DNAJC11: variants seen among roughly 807,000 people sequenced by gnomAD.
DNAJC11 encodes the protein dnaJ homolog subfamily C member 11.
In DNAJC11, 15 loss-of-function variants were observed where a neutral mutation model predicts 78.6. The observed-to-expected ratio is 0.19, with a 90% confidence interval of 0.13 to 0.29. The LOEUF is 0.29. Ranked by LOEUF, DNAJC11 falls within the 10% of genes least tolerant of loss-of-function variation. DNAJC11 has a pLI of 1.00. For missense variants in DNAJC11, 547 were observed against 709.6 expected (o/e 0.77, Z 2.60); for synonymous variants, 292 against 272.1 (o/e 1.07, Z -0.72).
At chr1:6,641,386 A>AT (rs1328743093) in intron 10 of DNAJC11, among the ~76,000 whole-genome samples, 1 of 139,648 alleles carries the variant, frequency 7.2e-6, no homozygotes, top group African/African-American at 2.7e-5. Context: ...CCAAAAAAAA[A>AT]AAAAATATAT....
intron 1 of DNAJC11, among the ~76,000 whole-genome samples, chr1:6,686,033 T>C (rs1019564179): frequency 4.6e-5 from 7 of 152,232 alleles, no homozygotes; most frequent in African/African-American, 1.7e-4. Flanking sequence ...TCCAATACAG[T>C]CATTTTAAAT....
chr1:6,643,544 G>T (rs963576124), intron 10 of DNAJC11, among the ~76,000 whole-genome samples: 1 of 152,092 alleles, frequency 6.6e-6, no homozygotes. Flanking sequence ...CAAAGTGCTG[G>T]GATTACAGGT....
chr1:6,668,303 A>AT lies in DNAJC11; in HGVS notation c.277-494dup, dbSNP rs893321622. ...AGGCGCCCGCCACCACCCCTGGCTA[A>AT]TTTTTTTTTGTATTTTTAGTAGAGA... On this transcript the variant is annotated intron_variant, in intron 3 of 15. Transcript: ENST00000377577. The AT allele has an allele frequency of 3.2e-3, 493 of 152,318 alleles. 4 individuals are homozygous for AT. Among genetic ancestry groups the AT allele is most frequent in the African/African-American group, 0.011 (462 of 41,280 alleles). The allele number at this position is 152,318 out of a possible 1,614,324, so 9.4% of individuals were successfully genotyped here. A position where few individuals can be genotyped will look rare whatever the true frequency, so the allele number is the denominator to read the frequency against.
At chr1:6,672,861 G>A (rs1642401496) in intron 3 of DNAJC11, among the ~76,000 whole-genome samples, 1 of 152,170 alleles carries the variant, frequency 6.6e-6, no homozygotes, top group Non-Finnish European at 1.5e-5. Flanking sequence ...CATGGACAGA[G>A]TGTATCACAT....
chr1:6,661,058 G>A (rs1304132708), intron 4 of DNAJC11, among the ~76,000 whole-genome samples: 1 of 152,198 alleles, frequency 6.6e-6, no homozygotes, highest in Non-Finnish European at 1.5e-5. Flanking sequence ...CACGTGCCAG[G>A]TGTACAGTGT....
intron 1 of DNAJC11, among the ~76,000 whole-genome samples, chr1:6,685,226 A>G (rs1642635364): frequency 6.6e-6 from 1 of 152,236 alleles, no homozygotes; most frequent in African/African-American, 2.4e-5. Flanking sequence ...TGGTTAGGCT[A>G]GGCTAGATCA....
At chr1:6,643,327 G>C (rs896951714) in intron 10 of DNAJC11, among the ~76,000 whole-genome samples, 10 of 150,318 alleles carry the variant, frequency 6.7e-5, no homozygotes, top group African/African-American at 9.8e-5. Flanking sequence ...CCAGGCTGGA[G>C]TGCAGTGGCG....
chr1:6,658,239 C>T (rs903449118), intron 4 of DNAJC11, among the ~76,000 whole-genome samples: 3 of 152,104 alleles, frequency 2.0e-5, no homozygotes, highest in African/African-American at 4.8e-5. Flanking sequence ...CTGGGAGGAA[C>T]GTTTCAGCTC....
chr1:6,660,004 C>T (rs1322619219), intron 4 of DNAJC11, among the ~76,000 whole-genome samples: 1 of 149,728 alleles, frequency 6.7e-6, no homozygotes, highest in Non-Finnish European at 1.5e-5. Flanking sequence ...TGCAGTGAGC[C>T]GAGATTGCGC....
chr1:6,661,624 G>A (rs1486464290), intron 4 of DNAJC11, among the ~76,000 whole-genome samples: 1 of 152,088 alleles, frequency 6.6e-6, no homozygotes, highest in Non-Finnish European at 1.5e-5. Context: ...AACTTCTCAC[G>A]TTCTCCAATT....
chr1:6,674,468 G>A lies in DNAJC11; in HGVS notation c.276+3926C>T, dbSNP rs560516224. 3.3e-5 allele frequency among the ~76,000 whole-genome samples: 5 copies of A among 152,238 alleles called. No homozygotes were observed. In the East Asian group the frequency reaches 9.6e-4, roughly 29 times the overall value. On this transcript the variant is annotated intron_variant, in intron 3 of 15. Coordinates refer to ENST00000377577, the MANE Select transcript of DNAJC11 (RefSeq NM_018198.4). ...TCCAGCTACTCGGGAGGCTGAGGCAGGAGAATCACTTGAACCCCGGAAGCA... is the reference window on the plus strand; with the variant it reads ...TCCAGCTACTCGGGAGGCTGAGGCAAGAGAATCACTTGAACCCCGGAAGCA...
chr1:6,684,274 A>T (rs960572902), intron 1 of DNAJC11, among the ~76,000 whole-genome samples: 1 of 152,044 alleles, frequency 6.6e-6, no homozygotes, highest in Non-Finnish European at 1.5e-5. Context: ...TAGAGATGGG[A>T]TTTCATCGTG....
chr1:6,673,195 C>CA (rs70981399), intron 3 of DNAJC11, among the ~76,000 whole-genome samples: 14,387 of 38,832 alleles, frequency 0.37, 2,817 homozygotes, highest in Admixed American at 0.45. Context: ...AACTCCATCT[C>CA]AAAAAAAAAA....
chr1:6,641,442 C>T (rs547686147), intron 10 of DNAJC11, among the ~76,000 whole-genome samples: 1 of 143,006 alleles, frequency 7.0e-6, no homozygotes, highest in Non-Finnish European at 1.5e-5. Flanking sequence ...CAAACAGAGA[C>T]AGGTTAAATG....
chr1:6,643,257 G>A (rs1320424664), intron 10 of DNAJC11, among the ~76,000 whole-genome samples: 1 of 150,672 alleles, frequency 6.6e-6, no homozygotes, highest in Non-Finnish European at 1.5e-5. Context: ...GAAAGAAGAC[G>A]GATGCAAGCG....
chr1:6,676,684 CA>C (rs1239491465), intron 3 of DNAJC11, among the ~76,000 whole-genome samples: 3 of 151,778 alleles, frequency 2.0e-5, no homozygotes, highest in African/African-American at 7.2e-5. Context: ...CACTCTCTCT[CA>C]CAAACACACA....
chr1:6,660,509 G>T, intron 4 of DNAJC11, among the ~76,000 whole-genome samples: 1 of 151,552 alleles, frequency 6.6e-6, no homozygotes, highest in East Asian at 1.9e-4. Context: ...CCCTCAACTA[G>T]ATTATTCAGC....
intron 1 of DNAJC11, among the ~76,000 whole-genome samples, chr1:6,697,810 T>C (rs890782786): frequency 5.1e-4 from 19 of 37,504 alleles, no homozygotes; most frequent in Admixed American, 1.6e-3. Context: ...ATGCTTATAA[T>C]TTTTTTTTTT....
intron 3 of DNAJC11, among the ~76,000 whole-genome samples, chr1:6,671,720 G>T (rs972041681): frequency 6.6e-6 from 1 of 150,484 alleles, no homozygotes; most frequent in Non-Finnish European, 1.5e-5. Flanking sequence ...TTTTAGTACA[G>T]ACTGGGTTTC....
Sources: allele counts gnomAD v4.1 joint callset (sites outside exome capture counted in the v4.1 genomes callset), GRCh38; gene constraint gnomAD v4.1.1; transcripts MANE v1.5; gene names NCBI Gene and HGNC (gene_info 2026-07-23, HGNC 2026-07-21).